The following DPEP1 variants were observed in gnomAD, a reference collection of about 807,000 sequenced individuals.
DPEP1 encodes dipeptidase 1.
A neutral mutation model predicts 42.3 loss-of-function variants in DPEP1; 50 were observed. The ratio of observed to expected loss-of-function variants is 1.18; its 90% CI spans 0.94 to 1.50. DPEP1 has a LOEUF of 1.50. Among genes scored for constraint, DPEP1 ranks in the 40% most tolerant of loss-of-function variants. The pLI, the probability that DPEP1 is intolerant of heterozygous loss-of-function variation, is 0.00. For missense variants in DPEP1, 663 were observed against 553.0 expected, an observed-to-expected ratio of 1.20 and a Z score of -1.99; for synonymous variants, 297 against 234.0, an observed-to-expected ratio of 1.27 and a Z score of -2.46.
At chr16:89,621,360 C>G (rs1439402692) in intron 1 of DPEP1, among the ~76,000 whole-genome samples, 1 of 149,886 alleles carries the variant, frequency 6.7e-6, no homozygotes, top group African/African-American at 2.5e-5. Flanking sequence ...GGGCTGGACG[C>G]TGGGAGGGAG....
downstream of DPEP1, among the ~76,000 whole-genome samples, chr16:89,641,113 G>A (rs1432929013): frequency 6.6e-6 from 1 of 152,212 alleles, no homozygotes; most frequent in Non-Finnish European, 1.5e-5. Context: ...TGCTACTGCT[G>A]TCTAGAAGGC....
intron 1 of DPEP1, among the ~76,000 whole-genome samples, chr16:89,628,346 C>T (rs563749023): frequency 1.2e-3 from 180 of 150,828 alleles, no homozygotes; most frequent in African/African-American, 4.2e-3. Flanking sequence ...CATCCTCCAC[C>T]TCCCGGATTC....
intron 1 of DPEP1, among the ~76,000 whole-genome samples, chr16:89,616,352 G>A (rs2059378974): frequency 6.6e-6 from 1 of 152,210 alleles, no homozygotes; most frequent in African/African-American, 2.4e-5. Flanking sequence ...CAGTTTCACA[G>A]AGCAGTATGG....
chr16:89,636,392 T>C lies in DPEP1; in HGVS notation c.366T>C (p.Ser122=). Residue 122 remains serine, a synonymous_variant, in exon 4 of 11, where the codon AGT becomes AGC. Coordinates refer to ENST00000690203, the MANE Select transcript of DPEP1 (RefSeq NM_001389466.1). ...AGACCTTCCTGTATGTCACCAGCAG[T>C]GCAGGTGGGGTCCTGACCTGGGTCC... ...YPETFLYVTS[S]AGIRQAFREG... 1 of 1,611,538 alleles carries C rather than the reference T, an allele frequency of 6.2e-7. No individual in the cohort carries two copies. The highest frequency in any genetic ancestry group is 8.5e-7 in the Non-Finnish European group (1 of 1,179,272).
chr16:89,639,053 ACC>A (rs2059722067), downstream of DPEP1, among the ~76,000 whole-genome samples: 1 of 32,152 alleles, frequency 3.1e-5, no homozygotes, highest in Non-Finnish European at 5.5e-5. Flanking sequence ...GCACGCACAC[ACC>A]CACCGCACCC....
intron 1 of DPEP1, chr16:89,616,724 G>A (rs1048442381): frequency 1.6e-5 from 4 of 257,368 alleles, no homozygotes; most frequent in African/African-American, 7.0e-5. Flanking sequence ...GCAAACGCAC[G>A]CTGGCAGGAA....
At chr16:89,637,148 C>T in intron 6 of DPEP1, 56 bp from the exon 7 acceptor site, 2 of 1,578,654 alleles carry the variant, frequency 1.3e-6, no homozygotes, top group Non-Finnish European at 1.7e-6. Context: ...AGCCCGTCCA[C>T]CTCCGCAGCC....
At chr16:89,634,767 T>C (rs1360268876) in intron 2 of DPEP1, among the ~76,000 whole-genome samples, 2 of 73,610 alleles carry the variant, frequency 2.7e-5, no homozygotes, top group African/African-American at 9.2e-5. Context: ...TTCCTTCTCC[T>C]TTCCCTTCCT....
intron 2 of DPEP1, among the ~76,000 whole-genome samples, chr16:89,633,166 C>T (rs958492642): frequency 6.6e-6 from 1 of 152,184 alleles, no homozygotes; most frequent in African/African-American, 2.4e-5. Flanking sequence ...GATGAGGCTG[C>T]TGCCCGGGCA....
rs2059352114 is a variant in DPEP1 at position 89,613,702 on chromosome 16, T to G, written c.-124T>G. 6.5e-6 allele frequency: 1 copy of G among 152,860 alleles called. No individual in the cohort carries two copies. The highest frequency in any genetic ancestry group is 1.5e-5 in the Non-Finnish European group (1 of 68,454). 9.5% of individuals were successfully genotyped at this position (152,860 alleles called of 1,614,324 possible). A position where few individuals can be genotyped will look rare whatever the true frequency, so the allele number is the denominator to read the frequency against. ...GCCGGGCCCTGCCAGGGAGCAAGTC[T>G]GCATCGCAGAGGCCAGGGTGAGTGG... On this transcript the variant is annotated 5_prime_UTR_variant, in exon 1 of 11. Coordinates refer to ENST00000690203, the MANE Select transcript of DPEP1 (RefSeq NM_001389466.1).
At chr16:89,621,554 G>A (rs2059446681) in intron 1 of DPEP1, among the ~76,000 whole-genome samples, 1 of 152,204 alleles carries the variant, frequency 6.6e-6, no homozygotes, top group African/African-American at 2.4e-5. Flanking sequence ...TCCCCGTGGA[G>A]CTGCAGGCTC....
intron 1 of DPEP1, among the ~76,000 whole-genome samples, chr16:89,617,736 T>G (rs112191023): frequency 1.6e-3 from 52 of 32,208 alleles, no homozygotes; most frequent in South Asian, 5.5e-3. Context: ...TCCCAGCACT[T>G]TGGGAGGCCG....
At chr16:89,622,207 T>C (rs1249239642) in intron 1 of DPEP1, among the ~76,000 whole-genome samples, 1 of 152,000 alleles carries the variant, frequency 6.6e-6, no homozygotes, top group Non-Finnish European at 1.5e-5. Context: ...CTCTAAACAT[T>C]AACTTTCGGG....
At chr16:89,632,137 C>A (rs1464738913) in intron 2 of DPEP1, among the ~76,000 whole-genome samples, 2 of 152,182 alleles carry the variant, frequency 1.3e-5, no homozygotes, top group African/African-American at 2.4e-5. Context: ...GCAACCTCTG[C>A]CTCCTGGATT....
rs2059702094 is a variant in DPEP1, at chr16:89,637,719, A to T, written c.929+12A>T. 6.2e-7 allele frequency: 1 copy of T among 1,613,046 alleles called. No homozygotes were observed. Among genetic ancestry groups the T allele is most frequent in the East Asian group, 2.2e-5 (1 of 44,878 alleles). ...GATGGTGTTCCAAGGTAAGGGGCTG[A>T]GAGCTCTGTCCTGTGGATGAGCCGG... On this transcript the variant is annotated intron_variant, in intron 9 of 10. Transcript: ENST00000690203.
rs960946133 is a variant in DPEP1 at position 89,637,034 on chromosome 16, C to G, written c.591+99C>G. 9.1e-6 allele frequency: 14 copies of G among 1,546,596 alleles called. No individual in the cohort carries two copies. In the Admixed American group the frequency reaches 2.4e-4, roughly 27 times the overall value. ...TCTCCTCACGTGGGACCTCAGTGTC[C>G]TTGTCTGTAAAATGGAGCTGGCAGC... On this transcript the variant is annotated intron_variant, in intron 6 of 10. Transcript: ENST00000690203.
chr16:89,628,618 C>G (rs1195594891), intron 1 of DPEP1, among the ~76,000 whole-genome samples: 1 of 152,028 alleles, frequency 6.6e-6, no homozygotes. Flanking sequence ...CTCAAGTTCT[C>G]TCCTTAGTGG....
chr16:89,618,942 CCCCCTGCTCCCCTCCCTGCAGCCCCCCTG>C (rs1380196227), intron 1 of DPEP1, among the ~76,000 whole-genome samples: 9 of 102,868 alleles, frequency 8.7e-5, no homozygotes, highest in African/African-American at 3.6e-4. Flanking sequence ...AGCTCCCTGC[CCCCCTGCTCCCCTCCCTGCAGCCCCCCTG>C]CCCCCCCGCT....
In DPEP1 at chr16:89,615,436, C is replaced by A. The variant is rs139147372; in HGVS notation, c.-107+1717C>A. On this transcript the variant is annotated intron_variant, in intron 1 of 10. Coordinates refer to ENST00000690203, the MANE Select transcript of DPEP1 (RefSeq NM_001389466.1). ...TGTGCGTACATCCTGGCTCCATCTCCCATGAGCCAGGGGGCTGGACCTGTC... is the reference window on the plus strand; with the variant it reads ...TGTGCGTACATCCTGGCTCCATCTCACATGAGCCAGGGGGCTGGACCTGTC... 2.4e-3 allele frequency among the ~76,000 whole-genome samples: 362 copies of A among 152,366 alleles called. 3 individuals carry two copies. Among genetic ancestry groups the A allele is most frequent in the African/African-American group, 8.2e-3 (339 of 41,586 alleles).
Sources: allele counts gnomAD v4.1 joint callset (sites outside exome capture counted in the v4.1 genomes callset), GRCh38; gene constraint gnomAD v4.1.1; transcripts MANE v1.5; gene names NCBI Gene and HGNC (gene_info 2026-07-23, HGNC 2026-07-21).